Variants in TBL1XR1 observed in about 807,000 individuals in gnomAD.
TBL1XR1 encodes the protein F-box-like/WD repeat-containing protein TBL1XR1.
Under a neutral mutation model 66.9 loss-of-function variants are expected in TBL1XR1, and 5 were observed. The ratio of observed to expected loss-of-function variants is 0.07; its 90% CI spans 0.04 to 0.16. The LOEUF (loss-of-function observed/expected upper bound fraction) is 0.16. Among genes scored for constraint, TBL1XR1 ranks in the 10% least tolerant of loss-of-function variants. The pLI is 1.00. For missense variants in TBL1XR1, 238 were observed against 623.2 expected (o/e 0.38, Z 6.58); for synonymous variants, 210 against 206.0 (o/e 1.02, Z -0.17).
chr3:177,067,905 C>T (rs961401248), intron 2 of TBL1XR1, among the ~76,000 whole-genome samples: 5 of 152,088 alleles, frequency 3.3e-5, no homozygotes, highest in African/African-American at 7.2e-5. Flanking sequence ...TTCCCCTGCC[C>T]GCATGAGTAC....
At chr3:177,033,335 A>G (rs921423684) in intron 13 of TBL1XR1, among the ~76,000 whole-genome samples, 199 bp from the exon 14 acceptor site, 2 of 152,224 alleles carry the variant, frequency 1.3e-5, no homozygotes, top group Non-Finnish European at 2.9e-5. Context: ...AAATTTAGAA[A>G]GAAGAGCAAG....
intron 14 of TBL1XR1, among the ~76,000 whole-genome samples, chr3:177,032,141 C>T (rs1714093906): frequency 6.6e-6 from 1 of 152,116 alleles, no homozygotes; most frequent in Non-Finnish European, 1.5e-5. Flanking sequence ...AAGCACAATG[C>T]TTTTATTCAT....
intron 2 of TBL1XR1, among the ~76,000 whole-genome samples, chr3:177,070,356 A>G (rs1481100084): frequency 2.0e-5 from 3 of 152,244 alleles, no homozygotes. Flanking sequence ...GAAATAATAA[A>G]TATGTATGGA....
At chr3:177,182,170 T>C (rs1734904817) in intron 1 of TBL1XR1, among the ~76,000 whole-genome samples, 1 of 152,104 alleles carries the variant, frequency 6.6e-6, no homozygotes, top group African/African-American at 2.4e-5. Context: ...GTGGATCACT[T>C]GAGCCCAGGA....
intron 1 of TBL1XR1, among the ~76,000 whole-genome samples, chr3:177,155,784 C>T (rs778712681): frequency 6.6e-6 from 1 of 152,088 alleles, no homozygotes; most frequent in Non-Finnish European, 1.5e-5. Context: ...GGGAAGAGGG[C>T]GGATCCCCTG....
intron 1 of TBL1XR1, among the ~76,000 whole-genome samples, chr3:177,117,641 T>C (rs1726461707): frequency 6.6e-6 from 1 of 152,204 alleles, no homozygotes; most frequent in African/African-American, 2.4e-5. Context: ...ATGCATCTTT[T>C]CTAGTGCAGT....
chr3:177,041,561 ACT>A (rs1715588492), intron 10 of TBL1XR1, among the ~76,000 whole-genome samples: 1 of 152,136 alleles, frequency 6.6e-6, no homozygotes, highest in Non-Finnish European at 1.5e-5. Context: ...ACCTAAATCA[ACT>A]AGTAAACAAA....
At chr3:177,105,349 T>TG (rs1214143455) in intron 1 of TBL1XR1, among the ~76,000 whole-genome samples, 1 of 151,660 alleles carries the variant, frequency 6.6e-6, no homozygotes, top group African/African-American at 2.4e-5. Flanking sequence ...GAAACAAGTG[T>TG]GGGGGGCCGA....
intron 1 of TBL1XR1, among the ~76,000 whole-genome samples, chr3:177,125,568 C>CT (rs1015074499): frequency 6.6e-6 from 1 of 152,056 alleles, no homozygotes; most frequent in Non-Finnish European, 1.5e-5. Flanking sequence ...TGACAAGTGT[C>CT]TTTTTTATTT....
intron 2 of TBL1XR1, among the ~76,000 whole-genome samples, chr3:177,075,489 T>C (rs1720589595): frequency 6.6e-6 from 1 of 152,212 alleles, no homozygotes; most frequent in Non-Finnish European, 1.5e-5. Flanking sequence ...ATTCATAATA[T>C]CTTCTAGCTT....
intron 1 of TBL1XR1, among the ~76,000 whole-genome samples, chr3:177,111,053 C>G (rs1725492269): frequency 6.6e-6 from 1 of 152,112 alleles, no homozygotes; most frequent in Non-Finnish European, 1.5e-5. Context: ...ACAGAGAAAG[C>G]TACAGGACAG....
intron 1 of TBL1XR1, among the ~76,000 whole-genome samples, chr3:177,108,837 T>A (rs370044859): frequency 6.6e-6 from 1 of 152,114 alleles, no homozygotes; most frequent in Non-Finnish European, 1.5e-5. Flanking sequence ...ATGCGTCCTC[T>A]TTGCCAGAGC....
chr3:177,067,451 A>G (rs1271244478), intron 2 of TBL1XR1, among the ~76,000 whole-genome samples: 1 of 150,894 alleles, frequency 6.6e-6, no homozygotes, highest in African/African-American at 2.4e-5. Flanking sequence ...AAAGGCCATC[A>G]ATTTCCCAGC....
intron 3 of TBL1XR1, among the ~76,000 whole-genome samples, chr3:177,061,298 A>C (rs1177394111): frequency 2.0e-5 from 3 of 152,222 alleles, no homozygotes; most frequent in African/African-American, 7.2e-5. Context: ...AACTTTCAAC[A>C]GATAGTATCT....
At position 177,051,189 on chromosome 3, in the gene TBL1XR1, A is replaced by C. The variant is rs188723132; in HGVS notation, c.427+315T>G. ...TGAACTGTGTGATACAAGTTAGGGA[A>C]ACAAGTTGGTGCAAGTTAACAGATG... On this transcript the variant is annotated intron_variant, in intron 5 of 15. Coordinates refer to ENST00000457928, the MANE Select transcript of TBL1XR1 (RefSeq NM_024665.7). 1.4e-4 allele frequency among the ~76,000 whole-genome samples: 21 copies of C among 152,310 alleles called. 1 individual carries two copies. The highest frequency in any genetic ancestry group is 3.3e-4 in the Admixed American group (5 of 15,298).
chr3:177,175,329 A>T (rs1734030048), intron 1 of TBL1XR1, among the ~76,000 whole-genome samples: 1 of 152,212 alleles, frequency 6.6e-6, no homozygotes, highest in Non-Finnish European at 1.5e-5. Context: ...AATCATTCTC[A>T]AAAATGTGTT....
intron 3 of TBL1XR1, among the ~76,000 whole-genome samples, chr3:177,061,281 G>A (rs991551958): frequency 6.6e-6 from 1 of 152,118 alleles, no homozygotes; most frequent in Non-Finnish European, 1.5e-5. Context: ...TAATTTTGGA[G>A]GTGGGAAACT....
intron 3 of TBL1XR1, among the ~76,000 whole-genome samples, 155 bp from the exon 4 acceptor site, chr3:177,054,073 T>TGTGTGTGCGCGC (rs145838308): frequency 4.0e-5 from 5 of 124,914 alleles, no homozygotes; most frequent in African/African-American, 1.5e-4. Context: ...TGTGTGTGTG[T>TGTGTGTGCGCGC]GCGCGCGCGT....
rs147991830 is a variant in TBL1XR1 at position 177,127,794 on chromosome 3, G to A, written c.-121-29253C>T. ...CAGTTCACATTTTGGATGGTAGTGTGGGAATGTAAAAATCACCAAGATTTG... is the reference window on the plus strand; with the variant it reads ...CAGTTCACATTTTGGATGGTAGTGTAGGAATGTAAAAATCACCAAGATTTG... On this transcript the variant is annotated intron_variant, in intron 1 of 15. Transcript: ENST00000457928. Among the ~76,000 whole-genome samples, 366 of 152,218 alleles carry A rather than the reference G, an allele frequency of 2.4e-3. 1 individual carries two copies. Among genetic ancestry groups the A allele is most frequent in the African/African-American group, 8.2e-3 (341 of 41,538 alleles).
Sources: allele counts gnomAD v4.1 joint callset (sites outside exome capture counted in the v4.1 genomes callset), GRCh38; gene constraint gnomAD v4.1.1; transcripts MANE v1.5; gene names NCBI Gene and HGNC (gene_info 2026-07-23, HGNC 2026-07-21).